The following ATP11C variants were observed in gnomAD, a reference collection of about 807,000 sequenced individuals.
The protein encoded by ATP11C is ATPase phospholipid transporting 11C (ATP11C blood group).
A neutral mutation model predicts 97.4 loss-of-function variants in ATP11C; 36 were observed. The ratio of observed to expected loss-of-function variants is 0.37; its 90% CI spans 0.28 to 0.49. The LOEUF (loss-of-function observed/expected upper bound fraction) is 0.49. Ranked by LOEUF, ATP11C falls within the 20% of genes least tolerant of loss-of-function variation. The pLI is 0.98. For missense variants in ATP11C, 730 were observed against 824.6 expected, an observed-to-expected ratio of 0.89 and a Z score of 1.40; for synonymous variants, 275 against 290.9, an observed-to-expected ratio of 0.95 and a Z score of 0.56.
At chrX:139,930,131 T>C (rs1440477468) in intron 1 of ATP11C, among the ~76,000 whole-genome samples, 1 of 111,277 alleles carries the variant, frequency 9.0e-6, no homozygotes, top group East Asian at 2.8e-4. Context: ...ATTTCAGTAT[T>C]AGCAAAAGTG....
intron 20 of ATP11C, 49 bp downstream of exon 20, chrX:139,768,211 T>C: frequency 1.1e-6 from 1 of 891,012 alleles, no homozygotes; most frequent in Non-Finnish European, 1.5e-6. Context: ...TTTGCACATA[T>C]ATGTATAGAA....
chrX:139,884,743 T>C (rs1031048617), intron 1 of ATP11C, among the ~76,000 whole-genome samples: 1 of 112,416 alleles, frequency 8.9e-6, no homozygotes, highest in African/African-American at 3.2e-5. Flanking sequence ...AAAAGAACTT[T>C]AGGCAATTTT....
At chrX:139,837,821 T>C (rs2083770806) in intron 1 of ATP11C, among the ~76,000 whole-genome samples, 1 of 112,309 alleles carries the variant, frequency 8.9e-6, no homozygotes, top group Non-Finnish European at 1.9e-5. Flanking sequence ...TTGAGTATTC[T>C]ACAATGTTCT....
chrX:139,768,066 G>A, intron 20 of ATP11C, among the ~76,000 whole-genome samples, 194 bp downstream of exon 20: 1 of 111,708 alleles, frequency 9.0e-6, no homozygotes, highest in Admixed American at 9.5e-5. Context: ...GGGACAACAA[G>A]GTGCAGCATA....
At chrX:139,922,077 C>T (rs1267032230) in intron 1 of ATP11C, among the ~76,000 whole-genome samples, 1 of 105,408 alleles carries the variant, frequency 9.5e-6, no homozygotes, top group African/African-American at 3.4e-5. Flanking sequence ...TGGTGGCACA[C>T]GCCTGTAGTC....
chrX:139,868,198 A>G (rs908764065), intron 1 of ATP11C, among the ~76,000 whole-genome samples: 2 of 111,742 alleles, frequency 1.8e-5, no homozygotes, highest in Middle Eastern at 4.6e-3. Flanking sequence ...TGAAACTCCT[A>G]TAAGAAAACA....
chrX:139,846,841 G>A (rs1424053288), intron 1 of ATP11C, among the ~76,000 whole-genome samples: 1 of 109,473 alleles, frequency 9.1e-6, no homozygotes, highest in Admixed American at 9.8e-5. Context: ...GGCAGTATCT[G>A]CAAAAGGAAA....
chrX:139,913,050 T>C (rs2085101360), intron 1 of ATP11C, among the ~76,000 whole-genome samples: 1 of 112,248 alleles, frequency 8.9e-6, no homozygotes, highest in African/African-American at 3.2e-5. Context: ...TTCTCAAGTA[T>C]ATACACATGA....
At chrX:139,882,637 T>TC (rs776871694) in intron 1 of ATP11C, among the ~76,000 whole-genome samples, 15 of 111,268 alleles carry the variant, frequency 1.3e-4, no homozygotes, top group African/African-American at 4.9e-4. Flanking sequence ...TAACCAGCTC[T>TC]CCCCTATCCC....
At chrX:139,737,459 C>T (rs961952352) in intron 28 of ATP11C, among the ~76,000 whole-genome samples, 5 of 109,991 alleles carry the variant, frequency 4.5e-5, no homozygotes, top group Non-Finnish European at 3.8e-5. Flanking sequence ...CTAGAAGCAA[C>T]GCAGAGATTA....
intron 28 of ATP11C, chrX:139,732,586 C>CA (rs58514331): frequency 0.03 from 3,547 of 117,210 alleles, 17 homozygotes; most frequent in Non-Finnish European, 0.034. Flanking sequence ...ATGCAGAAAC[C>CA]AAAAAAAAAA....
At chrX:139,789,728 TAGAAAAAAATG>T (rs1569456485) in intron 12 of ATP11C, among the ~76,000 whole-genome samples, 1 of 111,305 alleles carries the variant, frequency 9.0e-6, no homozygotes, top group Non-Finnish European at 1.9e-5. Flanking sequence ...AAAAGATGAA[TAGAAAAAAATG>T]TGACTATTGG....
At position 139,785,265 on chromosome X, in the gene ATP11C, C is replaced by G; in HGVS notation, c.1627G>C (p.Val543Leu). The part of the protein sequence containing the change: ...ELLHTLNFDA[V>L]RRRMSVIVKT... The stretch of plus-strand genomic sequence containing the variant: ...ACAATTACACTCATACGTCGCCGGA[C>G]AGCATCAAAGTTTAAGGTGTGAAGA... The change falls in exon 16 of 30, where the codon GTC (valine) becomes CTC (leucine). Residue 543 changes from valine to leucine, a missense_variant. By Grantham distance (32) the Val-to-Leu change is conservative. Coordinates refer to ENST00000682941, the MANE Select transcript of ATP11C (RefSeq NM_001353812.2). 8.3e-7 allele frequency: 1 copy of G among 1,209,253 alleles called. No homozygotes were observed. Among genetic ancestry groups the G allele is most frequent in the Non-Finnish European group, 1.1e-6 (1 of 893,891 alleles).
intron 1 of ATP11C, among the ~76,000 whole-genome samples, chrX:139,925,753 G>C (rs2085342084): frequency 9.0e-6 from 1 of 111,526 alleles, no homozygotes; most frequent in African/African-American, 3.3e-5. Flanking sequence ...GATGATATCT[G>C]CTTGAACAGC....
intron 1 of ATP11C, among the ~76,000 whole-genome samples, chrX:139,895,267 A>G (rs747944964): frequency 8.9e-6 from 1 of 111,906 alleles, no homozygotes; most frequent in African/African-American, 3.2e-5. Context: ...TACTTTTAGA[A>G]TAAGTTTTTT....
At chrX:139,755,515 C>A (rs2081915615) in intron 23 of ATP11C, among the ~76,000 whole-genome samples, 1 of 111,120 alleles carries the variant, frequency 9.0e-6, no homozygotes, top group Admixed American at 9.6e-5. Context: ...AAAAAAGAGC[C>A]CAAATAGCCA....
At chrX:139,903,692 G>A (rs367843303) in intron 1 of ATP11C, among the ~76,000 whole-genome samples, 3 of 109,934 alleles carry the variant, frequency 2.7e-5, no homozygotes, top group East Asian at 2.9e-4. Context: ...AGAAGACAGC[G>A]TCTGCAAACC....
chrX:139,801,458 C>G (rs2082925608), intron 7 of ATP11C, among the ~76,000 whole-genome samples: 1 of 112,020 alleles, frequency 8.9e-6, no homozygotes, highest in Non-Finnish European at 1.9e-5. Flanking sequence ...CTTTGTTTTT[C>G]CACTACTAGG....
chrX:139,776,650 G>A (rs2082354930), intron 18 of ATP11C, among the ~76,000 whole-genome samples: 1 of 111,112 alleles, frequency 9.0e-6, no homozygotes, highest in Non-Finnish European at 1.9e-5. Flanking sequence ...CCTTCCCTCA[G>A]GGTAGGTGCT....
Sources: allele counts gnomAD v4.1 joint callset (sites outside exome capture counted in the v4.1 genomes callset), GRCh38; gene constraint gnomAD v4.1.1; transcripts MANE v1.5; gene names NCBI Gene and HGNC (gene_info 2026-07-23, HGNC 2026-07-21).